The following STAU2 variants were observed in gnomAD, a reference collection of about 807,000 sequenced individuals.
The protein encoded by STAU2 is double-stranded RNA-binding protein Staufen homolog 2.
Under a neutral mutation model 65.9 loss-of-function variants are expected in STAU2, and 20 were observed. The ratio of observed to expected loss-of-function variants is 0.30; its 90% CI spans 0.21 to 0.44. The LOEUF is 0.44. STAU2 is among the 20% of genes least tolerant of loss of function. STAU2 has a pLI of 1.00. For missense variants in STAU2, 558 were observed against 683.9 expected, an observed-to-expected ratio of 0.82 and a Z score of 2.05; for synonymous variants, 232 against 233.9, an observed-to-expected ratio of 0.99 and a Z score of 0.07.
At chr8:73,542,351 A>C (rs562570360) in intron 13 of STAU2, among the ~76,000 whole-genome samples, 2 of 152,262 alleles carry the variant, frequency 1.3e-5, no homozygotes, top group African/African-American at 4.8e-5. Flanking sequence ...TCTTAGCATT[A>C]AATATAAAAG....
intron 13 of STAU2, among the ~76,000 whole-genome samples, chr8:73,485,328 A>G (rs908730963): frequency 6.6e-6 from 1 of 151,630 alleles, no homozygotes; most frequent in Non-Finnish European, 1.5e-5. Flanking sequence ...TTTGTTCTAA[A>G]ATTATTATTC....
intron 5 of STAU2, among the ~76,000 whole-genome samples, chr8:73,684,544 C>G (rs1309427879): frequency 6.6e-6 from 1 of 152,132 alleles, no homozygotes; most frequent in Non-Finnish European, 1.5e-5. Context: ...TAGACATTGG[C>G]TTAGGCAAAG....
intron 6 of STAU2, chr8:73,670,483 T>C (rs1817596787): frequency 1.3e-5 from 2 of 151,766 alleles, no homozygotes; most frequent in South Asian, 4.2e-4. Context: ...ACAAGATGCC[T>C]CTACAGAGGT....
At chr8:73,576,612 C>T (rs181546445) in intron 12 of STAU2, among the ~76,000 whole-genome samples, 4 of 152,058 alleles carry the variant, frequency 2.6e-5, no homozygotes, top group South Asian at 2.1e-4. Context: ...TTAAATTGGG[C>T]GGTGGGTTCA....
chr8:73,421,250 G>C lies in STAU2; in HGVS notation c.*122C>G. On this transcript the variant is annotated 3_prime_UTR_variant, in exon 15 of 15. Transcript: ENST00000524300. ...GTATATTATCTCTCGTGTTAGAATA[G>C]TGTTGTCTTCACATAAGACTCAAAT... 1.3e-6 allele frequency: 1 copy of C among 785,970 alleles called. No individual in the cohort carries two copies. Among genetic ancestry groups the C allele is most frequent in the South Asian group, 1.6e-5 (1 of 61,796 alleles). 48.7% of individuals were successfully genotyped at this position (785,970 alleles called of 1,614,324 possible).
At chr8:73,554,797 C>T (rs1018622588) in intron 12 of STAU2, among the ~76,000 whole-genome samples, 1 of 152,208 alleles carries the variant, frequency 6.6e-6, no homozygotes, top group African/African-American at 2.4e-5. Context: ...AGAACCCAAA[C>T]TCCTTAGGAT....
intron 13 of STAU2, among the ~76,000 whole-genome samples, chr8:73,523,500 C>T (rs992080591): frequency 5.3e-5 from 8 of 151,976 alleles, no homozygotes; most frequent in Admixed American, 1.3e-4. Context: ...ATTTGACAAA[C>T]GCAGTCATGT....
chr8:73,454,935 C>T (rs1323712689), intron 13 of STAU2, among the ~76,000 whole-genome samples: 4 of 152,048 alleles, frequency 2.6e-5, no homozygotes, highest in African/African-American at 7.2e-5. Flanking sequence ...GTGGAGAGGT[C>T]GAGTGGTCCT....
intron 4 of STAU2, among the ~76,000 whole-genome samples, chr8:73,692,560 T>G (rs1819404430): frequency 6.6e-6 from 1 of 152,178 alleles, no homozygotes; most frequent in African/African-American, 2.4e-5. Flanking sequence ...AATAAACTAG[T>G]AAATATAAGT....
intron 6 of STAU2, among the ~76,000 whole-genome samples, chr8:73,632,209 AG>A (rs1814147053): frequency 6.6e-6 from 1 of 152,148 alleles, no homozygotes; most frequent in Non-Finnish European, 1.5e-5. Flanking sequence ...AATATAAGAT[AG>A]TTTTATTTCC....
At chr8:73,726,684 T>A (rs538894545) in intron 3 of STAU2, among the ~76,000 whole-genome samples, 1 of 152,330 alleles carries the variant, frequency 6.6e-6, no homozygotes, top group East Asian at 1.9e-4. Flanking sequence ...GCATTCTTCA[T>A]CTCTATTTTT....
At chr8:73,686,610 G>A (rs1818847227) in intron 5 of STAU2, among the ~76,000 whole-genome samples, 1 of 151,652 alleles carries the variant, frequency 6.6e-6, no homozygotes. Flanking sequence ...GGAATGAGGG[G>A]TAAAGACTAC....
At chr8:73,487,905 T>A (rs1244280970) in intron 13 of STAU2, among the ~76,000 whole-genome samples, 4 of 152,118 alleles carry the variant, frequency 2.6e-5, no homozygotes, top group Admixed American at 1.3e-4. Context: ...CTGATTGAGA[T>A]AAAATATTTG....
chr8:73,572,192 T>A (rs904466366), intron 12 of STAU2, among the ~76,000 whole-genome samples: 2 of 152,142 alleles, frequency 1.3e-5, no homozygotes, highest in African/African-American at 4.8e-5. Context: ...CTCCTAAGAC[T>A]AAACCAGGAA....
chr8:73,708,251 C>T (rs1473130539), intron 4 of STAU2, among the ~76,000 whole-genome samples: 6 of 152,108 alleles, frequency 3.9e-5, no homozygotes, highest in African/African-American at 1.4e-4. Flanking sequence ...TAGCCAGTTG[C>T]TTTAAGAAGA....
chr8:73,698,414 C>G (rs1320004715), intron 4 of STAU2, among the ~76,000 whole-genome samples: 1 of 151,980 alleles, frequency 6.6e-6, no homozygotes, highest in African/African-American at 2.4e-5. Context: ...CACACCCCAC[C>G]TATGAAGACA....
At chr8:73,709,846 G>GTAT (rs1820765933) in intron 3 of STAU2, among the ~76,000 whole-genome samples, 1 of 151,524 alleles carries the variant, frequency 6.6e-6, no homozygotes, top group Non-Finnish European at 1.5e-5. Flanking sequence ...CTTTTACAGA[G>GTAT]TATTGATGTA....
In STAU2 at chr8:73,678,802, T is replaced by C. The variant is rs538288798; in HGVS notation, c.275-5560A>G. Among the ~76,000 whole-genome samples the C allele has an allele frequency of 1.1e-3, 163 of 152,312 alleles. 4 individuals carry two copies. The South Asian group carries it at 0.032, about 30-fold the overall frequency. ...AAGTTTTTTTTCTATTGTAATAATATTTTGGCTTATTTAAGCTTAATAAAT... is the reference window on the plus strand; with the variant it reads ...AAGTTTTTTTTCTATTGTAATAATACTTTGGCTTATTTAAGCTTAATAAAT... On this transcript the variant is annotated intron_variant, in intron 5 of 14. Transcript: ENST00000524300.
intron 3 of STAU2, among the ~76,000 whole-genome samples, chr8:73,715,917 A>T (rs554631611): frequency 6.6e-6 from 1 of 151,878 alleles, no homozygotes; most frequent in Non-Finnish European, 1.5e-5. Flanking sequence ...TCGTATATTT[A>T]TCTTCTTTTT....
Sources: allele counts gnomAD v4.1 joint callset (sites outside exome capture counted in the v4.1 genomes callset), GRCh38; gene constraint gnomAD v4.1.1; transcripts MANE v1.5; gene names NCBI Gene and HGNC (gene_info 2026-07-23, HGNC 2026-07-21).